MAP2K5: variants seen among roughly 807,000 people sequenced by gnomAD.
The protein encoded by MAP2K5 is mitogen-activated protein kinase kinase 5.
Under a neutral mutation model 83.1 loss-of-function variants are expected in MAP2K5, and 49 were observed. The ratio of observed to expected loss-of-function variants is 0.59; its 90% CI spans 0.47 to 0.75. The LOEUF (loss-of-function observed/expected upper bound fraction) is 0.75. Among genes scored for constraint, MAP2K5 ranks in the 30% least tolerant of loss-of-function variants. The probability of loss-of-function intolerance (pLI) is 0.00; values close to 1 mark genes in which losing one functional copy is unlikely to be tolerated. For synonymous variants in MAP2K5, 202 were observed against 191.8 expected, an observed-to-expected ratio of 1.05 and a Z score of -0.44; for missense variants, 457 against 557.5, an observed-to-expected ratio of 0.82 and a Z score of 1.82.
chr15:67,682,603 G>A (rs2087846926), intron 13 of MAP2K5, among the ~76,000 whole-genome samples: 1 of 151,684 alleles, frequency 6.6e-6, no homozygotes, highest in Admixed American at 6.6e-5. Context: ...GGAGGCCAAG[G>A]CAGGCAGATC....
chr15:67,630,980 C>T, intron 9 of MAP2K5, 53 bp downstream of exon 9: 2 of 1,365,998 alleles, frequency 1.5e-6, no homozygotes, highest in Non-Finnish European at 2.1e-6. Context: ...CTTTCCTTTC[C>T]TCTGTTAGCT....
intron 21 of MAP2K5, among the ~76,000 whole-genome samples, chr15:67,792,152 C>T (rs1217353801): frequency 1.3e-5 from 2 of 152,090 alleles, no homozygotes; most frequent in Non-Finnish European, 2.9e-5. Flanking sequence ...ATCAAAGGAA[C>T]TGTGTTGAAG....
At chr15:67,641,575 G>T in intron 9 of MAP2K5, 1 of 998,062 alleles carries the variant, frequency 1.0e-6, no homozygotes. Flanking sequence ...TTATAATTCA[G>T]TCACTTGACT....
intron 17 of MAP2K5, among the ~76,000 whole-genome samples, chr15:67,732,508 C>T (rs979140378): frequency 2.0e-5 from 3 of 152,082 alleles, no homozygotes; most frequent in African/African-American, 4.8e-5. Context: ...CTTTTGGCTG[C>T]AGTTCCTGAT....
intron 16 of MAP2K5, among the ~76,000 whole-genome samples, chr15:67,714,412 GGGAAAAAAAAA>G: frequency 2.9e-3 from 1 of 346 alleles, no homozygotes; most frequent in Non-Finnish European, 0.011. Flanking sequence ...CCAGCTGCCA[GGGAAAAAAAAA>G]AAAAAAAAAA....
chr15:67,590,515 C>T (rs1462015063), intron 6 of MAP2K5, among the ~76,000 whole-genome samples: 2 of 135,138 alleles, frequency 1.5e-5, no homozygotes, highest in African/African-American at 5.5e-5. Flanking sequence ...GCTGTCACCC[C>T]CCCATTCTGG....
chr15:67,546,525 TG>T, intron 1 of MAP2K5: 1 of 944,410 alleles, frequency 1.1e-6, no homozygotes, highest in Non-Finnish European at 1.3e-6. Flanking sequence ...CTCTGGGCCT[TG>T]TCTTTTGTCT....
At chr15:67,646,020 A>G (rs895735303) in intron 9 of MAP2K5, among the ~76,000 whole-genome samples, 4 of 152,164 alleles carry the variant, frequency 2.6e-5, no homozygotes, top group Non-Finnish European at 2.9e-5. Context: ...CTTTGGTCCC[A>G]TCAATCACTT....
chr15:67,561,530 A>G lies in MAP2K5; in HGVS notation c.185-1753A>G, dbSNP rs1403236940. On this transcript the variant is annotated intron_variant, in intron 2 of 21. Transcript: ENST00000178640. The surrounding 1 kb of genome is among the most constrained non-coding windows in gnomAD (Gnocchi z 4.2). ...GAAAACAGGCAACTCTTGATAGCAG[A>G]ATACTGGTAGTGACTCTCCTAGATT... 6.6e-6 allele frequency among the ~76,000 whole-genome samples: 1 copy of G among 152,194 alleles called. No individual in the cohort carries two copies. The highest frequency in any genetic ancestry group is 1.9e-4 in the East Asian group (1 of 5,200).
At chr15:67,641,709 A>G (rs1218105903) in intron 9 of MAP2K5, 2 of 737,116 alleles carry the variant, frequency 2.7e-6, no homozygotes, top group Non-Finnish European at 3.3e-6. Flanking sequence ...TTCATATTCA[A>G]ATTCTTTCCA....
intron 20 of MAP2K5, among the ~76,000 whole-genome samples, chr15:67,771,925 A>T (rs906164788): frequency 1.3e-5 from 2 of 152,202 alleles, no homozygotes; most frequent in Admixed American, 1.3e-4. Flanking sequence ...TTTAGAACAA[A>T]TACAGCCATC....
At chr15:67,624,575 A>ACAT (rs752622635) in intron 8 of MAP2K5, among the ~76,000 whole-genome samples, 8 of 151,184 alleles carry the variant, frequency 5.3e-5, no homozygotes, top group Non-Finnish European at 1.0e-4. Flanking sequence ...AAAAAATTAA[A>ACAT]CATCACGATC....
Position 67,764,390 on chromosome 15 carries a change from T to C in MAP2K5, c.1135-5212T>C, listed in dbSNP as rs2090003667. ...GGTATCTCACACGCTGCAGACTCTTTTACTTTATGCCCCATGACCCTCGTT... is the reference window on the plus strand; with the variant it reads ...GGTATCTCACACGCTGCAGACTCTTCTACTTTATGCCCCATGACCCTCGTT... On this transcript the variant is annotated intron_variant, in intron 19 of 21. Transcript: ENST00000178640. This position sits in a 1 kb window ranked among gnomAD's most constrained non-coding sequence, Gnocchi z 4.9. Among the ~76,000 whole-genome samples the C allele has an allele frequency of 6.6e-6, 1 of 152,168 alleles. No individual in the cohort carries two copies. Among genetic ancestry groups the C allele is most frequent in the Non-Finnish European group, 1.5e-5 (1 of 68,048 alleles).
rs1272114168 is a variant in MAP2K5 at position 67,562,737 on chromosome 15, T to C, written c.185-546T>C. On this transcript the variant is annotated intron_variant, in intron 2 of 21. Coordinates refer to ENST00000178640, the MANE Select transcript of MAP2K5 (RefSeq NM_145160.3). The surrounding 1 kb of genome is among the most constrained non-coding windows in gnomAD (Gnocchi z 4.1). ...CCTAGGTTCTCCTGTGGAAAGAGAA[T>C]AATAATAATGATGTTCATGTCGCAG... 8.5e-5 allele frequency among the ~76,000 whole-genome samples: 13 copies of C among 152,256 alleles called. No individual in the cohort carries two copies. In the South Asian group the frequency reaches 1.9e-3, roughly 22 times the overall value.
At chr15:67,729,049 C>A (rs903894979) in intron 17 of MAP2K5, among the ~76,000 whole-genome samples, 1 of 152,122 alleles carries the variant, frequency 6.6e-6, no homozygotes, top group Non-Finnish European at 1.5e-5. Flanking sequence ...TTTTCAAATT[C>A]ATAGACTTTT....
At position 67,577,125 on chromosome 15, in the gene MAP2K5, C is replaced by T. The variant is rs919412932; in HGVS notation, c.253-3629C>T. Among the ~76,000 whole-genome samples the T allele has an allele frequency of 2.2e-4, 34 of 151,296 alleles. No individual in the cohort carries two copies. Among genetic ancestry groups the T allele is most frequent in the Non-Finnish European group, 3.8e-4 (26 of 67,802 alleles). On this transcript the variant is annotated intron_variant, in intron 3 of 21. Transcript: ENST00000178640. This position sits in a 1 kb window ranked among gnomAD's most constrained non-coding sequence, Gnocchi z 4.1. ...TAATTTTTTGTATTTTTAGTAGAGA[C>T]GGGGTTTCACCTTGTTAGCCGGGAT...
In MAP2K5 at chr15:67,755,410, C is replaced by T. The variant is rs528735442; in HGVS notation, c.1134+6809C>T. Among the ~76,000 whole-genome samples, 10 of 152,056 alleles carry T rather than the reference C, an allele frequency of 6.6e-5. No homozygotes were observed. The highest frequency in any genetic ancestry group is 1.9e-4 in the East Asian group (1 of 5,198). On this transcript the variant is annotated intron_variant, in intron 19 of 21. Transcript: ENST00000178640. This position sits in a 1 kb window ranked among gnomAD's most constrained non-coding sequence, Gnocchi z 4.7. Reference sequence around the variant, plus strand: ...CTTCTAGAACAGAAATATTAGCTGCCCCTTAGTCTGCCTGACTCACATAGG... The same window carrying T: ...CTTCTAGAACAGAAATATTAGCTGCTCCTTAGTCTGCCTGACTCACATAGG...
intron 7 of MAP2K5, among the ~76,000 whole-genome samples, chr15:67,595,976 C>CTTTTTTTTT (rs11335365): frequency 1.4e-5 from 2 of 144,946 alleles, no homozygotes; most frequent in Non-Finnish European, 3.1e-5. Context: ...GTTATTTTTT[C>CTTTTTTTTT]TTTTTTTTTT....
Position 67,777,416 on chromosome 15 carries a change from A to C in MAP2K5, c.1242+4664A>C, listed in dbSNP as rs367991445. Among the ~76,000 whole-genome samples, 1 of 152,196 alleles carries C rather than the reference A, an allele frequency of 6.6e-6. No homozygotes were observed. Among genetic ancestry groups the C allele is most frequent in the South Asian group, 2.1e-4 (1 of 4,834 alleles). On this transcript the variant is annotated intron_variant, in intron 21 of 21. Transcript: ENST00000178640. The surrounding 1 kb of genome is among the most constrained non-coding windows in gnomAD (Gnocchi z 6.0). ...GCATAGTAAGTAATCAGGTCAGAAG[A>C]AGCAGCATCCCGGTTTGAGATCAAT...
Sources: gnomAD v4.1 joint callset for allele counts (sites outside exome capture counted in the v4.1 genomes callset) on GRCh38, gnomAD v4.1.1 for gene constraint, Gnocchi (gnomAD v3.1) non-coding constraint, MANE v1.5 for transcripts, NCBI Gene and HGNC (gene_info 2026-07-23, HGNC 2026-07-21) for gene names.